Variants in GALNT13 observed in about 807,000 individuals in gnomAD.
The protein encoded by GALNT13 is polypeptide N-acetylgalactosaminyltransferase 13, also known as UDP-GalNAc:polypeptide N-acetylgalactosaminyltransferase 13.
In GALNT13, 28 loss-of-function variants were observed where a neutral mutation model predicts 64.2. That is an observed-to-expected ratio of 0.44 (90% CI 0.32 to 0.60). The LOEUF (loss-of-function observed/expected upper bound fraction) is 0.60. GALNT13 is among the 20% of genes least tolerant of loss of function. GALNT13 has a pLI of 0.05. For synonymous variants in GALNT13, 214 were observed against 224.6 expected, an observed-to-expected ratio of 0.95 and a Z score of 0.42; for missense variants, 577 against 669.8, an observed-to-expected ratio of 0.86 and a Z score of 1.53.
chr2:153,250,188 C>G, the GALNT13 span, among the ~76,000 whole-genome samples: 1 of 151,910 alleles, frequency 6.6e-6, no homozygotes, highest in Admixed American at 6.6e-5. Context: ...AACAAATTTA[C>G]AAGAAAAAAA....
the GALNT13 span, among the ~76,000 whole-genome samples, chr2:153,434,533 G>A: frequency 3.7e-3 from 566 of 152,318 alleles, 2 homozygotes; most frequent in Non-Finnish European, 5.8e-3. Flanking sequence ...TAACTGGTGT[G>A]AGATGGTATC....
At chr2:153,457,990 C>T in the GALNT13 span, among the ~76,000 whole-genome samples, 1 of 152,144 alleles carries the variant, frequency 6.6e-6, no homozygotes, top group Non-Finnish European at 1.5e-5. Flanking sequence ...CCTGATTTTA[C>T]CTCCTAAACA....
the GALNT13 span, among the ~76,000 whole-genome samples, chr2:153,626,591 T>C: frequency 8.5e-5 from 13 of 152,108 alleles, 1 homozygote; most frequent in Admixed American, 6.6e-4. Context: ...TCAATAAATA[T>C]TTGTTGAATT....
the GALNT13 span, among the ~76,000 whole-genome samples, chr2:153,142,682 T>C: frequency 6.6e-6 from 1 of 151,940 alleles, no homozygotes; most frequent in East Asian, 1.9e-4. Context: ...ATTGTAAGCT[T>C]TCTTTGCCTT....
At chr2:153,300,713 A>G in the GALNT13 span, among the ~76,000 whole-genome samples, 22 of 152,308 alleles carry the variant, frequency 1.4e-4, no homozygotes, top group African/African-American at 4.8e-4. Context: ...TCATCTCTCT[A>G]GACCCACAGC....
the GALNT13 span, among the ~76,000 whole-genome samples, chr2:153,864,483 A>G: frequency 2.2e-4 from 34 of 152,246 alleles, no homozygotes; most frequent in African/African-American, 7.2e-4. Context: ...TTGGTGTATA[A>G]GAATGCTTGT....
chr2:154,425,756 A>T (rs74440249), intron 11 of GALNT13, among the ~76,000 whole-genome samples: 26 of 152,316 alleles, frequency 1.7e-4, no homozygotes, highest in African/African-American at 5.5e-4. Flanking sequence ...TGTGTATTGA[A>T]TTCAGCAGTT....
chr2:154,039,302 C>T (rs1273449693), intron 3 of GALNT13, among the ~76,000 whole-genome samples: 1 of 100,180 alleles, frequency 1.0e-5, no homozygotes, highest in African/African-American at 2.7e-5. Context: ...AAAGAGTTAT[C>T]TTTACCTCCA....
chr2:154,180,266 A>G (rs1455349877), intron 4 of GALNT13, among the ~76,000 whole-genome samples: 1 of 152,092 alleles, frequency 6.6e-6, no homozygotes. Flanking sequence ...CAATATAGAA[A>G]TTGTTTTTTG....
chr2:153,648,690 T>C, the GALNT13 span, among the ~76,000 whole-genome samples: 7 of 152,190 alleles, frequency 4.6e-5, no homozygotes, highest in African/African-American at 1.7e-4. Flanking sequence ...TGTTGAATTT[T>C]GTTGAAGGCC....
chr2:153,545,424 T>C, the GALNT13 span, among the ~76,000 whole-genome samples: 1 of 152,138 alleles, frequency 6.6e-6, no homozygotes, highest in Non-Finnish European at 1.5e-5. Context: ...TGCAAGACTG[T>C]TGGAGAAAAT....
chr2:153,207,240 A>T, the GALNT13 span, among the ~76,000 whole-genome samples: 1 of 152,132 alleles, frequency 6.6e-6, no homozygotes, highest in South Asian at 2.1e-4. Context: ...AATCTGGATT[A>T]TGCTGATTGT....
At chr2:153,494,582 C>T in the GALNT13 span, among the ~76,000 whole-genome samples, 1 of 151,902 alleles carries the variant, frequency 6.6e-6, no homozygotes, top group Non-Finnish European at 1.5e-5. Flanking sequence ...TTTACCCTTA[C>T]CTCATACTGT....
the GALNT13 span, among the ~76,000 whole-genome samples, chr2:153,410,013 C>G: frequency 2.6e-5 from 4 of 152,140 alleles, no homozygotes; most frequent in African/African-American, 9.7e-5. Context: ...CAGAATCAAA[C>G]CAGTGTCAGC....
Position 153,912,358 on chromosome 2 carries a change from A to G in GALNT13, c.-105+11351A>G, listed in dbSNP as rs116356940. ...AGATTGGGTTTCAGTGTTTTCATGAATCTTGAAAATCTTCATTCTTATCCT... is the reference window on the plus strand; with the variant it reads ...AGATTGGGTTTCAGTGTTTTCATGAGTCTTGAAAATCTTCATTCTTATCCT... On this transcript the variant is annotated intron_variant, in intron 2 of 12. Coordinates refer to ENST00000392825, the MANE Select transcript of GALNT13 (RefSeq NM_052917.4). Among the ~76,000 whole-genome samples the G allele has an allele frequency of 2.4e-3, 361 of 152,184 alleles. 4 individuals are homozygous for G. The highest frequency in any genetic ancestry group is 7.9e-3 in the African/African-American group (327 of 41,522).
chr2:154,449,806 CCT>C (rs1463527397), intron 12 of GALNT13, among the ~76,000 whole-genome samples: 6 of 151,620 alleles, frequency 4.0e-5, no homozygotes, highest in Non-Finnish European at 7.4e-5. Flanking sequence ...TCATCATGCC[CCT>C]GTTTTTATGT....
the GALNT13 span, among the ~76,000 whole-genome samples, chr2:153,301,324 A>AAAAAAAAAAGAAAG: frequency 2.0e-5 from 3 of 148,498 alleles, no homozygotes; most frequent in Admixed American, 6.6e-5. Context: ...AAAAAGAAAA[A>AAAAAAAAAAGAAAG]AAAAAAGAGT....
At chr2:153,945,765 T>C (rs1691690754) in intron 3 of GALNT13, among the ~76,000 whole-genome samples, 1 of 152,156 alleles carries the variant, frequency 6.6e-6, no homozygotes, top group Non-Finnish European at 1.5e-5. Context: ...TTGCTTTAGA[T>C]TGCAAATCAA....
chr2:153,817,543 G>A, the GALNT13 span, among the ~76,000 whole-genome samples: 18 of 152,018 alleles, frequency 1.2e-4, no homozygotes. Flanking sequence ...TTTCCTCTTA[G>A]TAATTTTCCG....
Sources: gnomAD v4.1 joint callset for allele counts (sites outside exome capture counted in the v4.1 genomes callset) on GRCh38, gnomAD v4.1.1 for gene constraint, MANE v1.5 for transcripts, NCBI Gene and HGNC (gene_info 2026-07-23, HGNC 2026-07-21) for gene names.